HMG20A: variants seen among roughly 807,000 people sequenced by gnomAD.
The protein encoded by HMG20A is high mobility group protein 20A.
Under a neutral mutation model 43.9 loss-of-function variants are expected in HMG20A, and 17 were observed. The ratio of observed to expected loss-of-function variants is 0.39; its 90% CI spans 0.27 to 0.58. The LOEUF (loss-of-function observed/expected upper bound fraction) is 0.58, where lower values mean the gene tolerates loss of function less well. Among genes scored for constraint, HMG20A ranks in the 20% least tolerant of loss-of-function variants. The pLI, the probability that HMG20A is intolerant of heterozygous loss-of-function variation, is 0.59. For missense variants in HMG20A, 341 were observed against 438.2 expected (o/e 0.78, Z 1.98); for synonymous variants, 132 against 147.5 (o/e 0.89, Z 0.76).
intron 1 of HMG20A, among the ~76,000 whole-genome samples, chr15:77,425,011 A>AT (rs1330147993): frequency 6.6e-6 from 1 of 151,826 alleles, no homozygotes. Context: ...TGCTCATGCT[A>AT]TTTTCTGCCT....
At chr15:77,430,891 G>A (rs1417782096) in intron 1 of HMG20A, among the ~76,000 whole-genome samples, 1 of 152,150 alleles carries the variant, frequency 6.6e-6, no homozygotes, top group Non-Finnish European at 1.5e-5. Flanking sequence ...TATGACTGGA[G>A]GAGAGAAAGT....
intron 1 of HMG20A, among the ~76,000 whole-genome samples, chr15:77,446,831 A>G (rs959802598): frequency 4.6e-5 from 7 of 151,940 alleles, no homozygotes; most frequent in Admixed American, 4.6e-4. Context: ...AAGAGTATAC[A>G]TATGTGTCTT....
At chr15:77,428,693 G>A (rs990567695) in intron 1 of HMG20A, among the ~76,000 whole-genome samples, 6 of 152,172 alleles carry the variant, frequency 3.9e-5, no homozygotes, top group African/African-American at 1.4e-4. Context: ...TCTAGGCTGG[G>A]TGTGGTGGCT....
chr15:77,466,554 G>T (rs1732900576), intron 3 of HMG20A, among the ~76,000 whole-genome samples: 1 of 152,134 alleles, frequency 6.6e-6, no homozygotes, highest in Non-Finnish European at 1.5e-5. Flanking sequence ...AAATAAGCTA[G>T]TCTTTGAAAG....
chr15:77,430,358 C>G (rs2073471901), intron 1 of HMG20A, among the ~76,000 whole-genome samples: 1 of 152,156 alleles, frequency 6.6e-6, no homozygotes, highest in African/African-American at 2.4e-5. Context: ...ACTTATGACT[C>G]TGAGAGATGA....
intron 1 of HMG20A, among the ~76,000 whole-genome samples, chr15:77,423,899 C>T (rs1285290197): frequency 2.0e-5 from 3 of 152,036 alleles, no homozygotes; most frequent in African/African-American, 7.3e-5. Context: ...GTCTCTATTT[C>T]ATAGCCTTCA....
intron 1 of HMG20A, among the ~76,000 whole-genome samples, chr15:77,443,995 G>A (rs942758349): frequency 2.6e-5 from 4 of 152,176 alleles, no homozygotes; most frequent in African/African-American, 9.6e-5. Context: ...ACAAGTGTGA[G>A]CCAACATGCC....
At chr15:77,488,068 A>T (rs1390897831), downstream of HMG20A, among the ~76,000 whole-genome samples, 1 of 152,232 alleles carries the variant, frequency 6.6e-6, no homozygotes, top group Non-Finnish European at 1.5e-5. Context: ...ACAAGAAGAT[A>T]AGAATGGCAT....
the HMG20A span, among the ~76,000 whole-genome samples, chr15:77,491,171 TAA>T: frequency 6.6e-6 from 1 of 152,328 alleles, no homozygotes; most frequent in Non-Finnish European, 1.5e-5. Context: ...AGCGTCTGCT[TAA>T]AAGAGACTGG....
At chr15:77,472,424 G>A (rs894648665) in intron 6 of HMG20A, among the ~76,000 whole-genome samples, 1 of 152,142 alleles carries the variant, frequency 6.6e-6, no homozygotes, top group Admixed American at 6.5e-5. Flanking sequence ...ACAGGCTCGT[G>A]CCATCATACC....
the HMG20A span, among the ~76,000 whole-genome samples, chr15:77,518,922 T>C: frequency 6.6e-6 from 1 of 152,202 alleles, no homozygotes; most frequent in Non-Finnish European, 1.5e-5. Flanking sequence ...CAAAGATGGT[T>C]TGTCTATTTC....
chr15:77,449,122 G>C (rs919693300), intron 1 of HMG20A, among the ~76,000 whole-genome samples: 7 of 151,960 alleles, frequency 4.6e-5, no homozygotes, highest in African/African-American at 7.3e-5. Flanking sequence ...TTTAGGTCTA[G>C]AGAGCCATAT....
chr15:77,438,083 A>G (rs1011603899), intron 1 of HMG20A, among the ~76,000 whole-genome samples: 4 of 151,676 alleles, frequency 2.6e-5, no homozygotes, highest in African/African-American at 9.7e-5. Context: ...CAGCCTCCCA[A>G]GTAGCTTGGA....
In HMG20A at chr15:77,440,016, A is replaced by G. The variant is rs950802038; in HGVS notation, c.-4-18388A>G. On this transcript the variant is annotated intron_variant, in intron 1 of 9. Transcript: ENST00000336216. Reference sequence around the variant, plus strand: ...TGCTTTGTATTTAGCCCCCTTTTTTAAAAAAATGGGTCATTTATTTTTAAT... The same window carrying G: ...TGCTTTGTATTTAGCCCCCTTTTTTGAAAAAATGGGTCATTTATTTTTAAT... 2.6e-5 allele frequency among the ~76,000 whole-genome samples: 4 copies of G among 152,016 alleles called. No homozygotes were observed. The South Asian group carries it at 8.3e-4, about 32-fold the overall frequency.
intron 4 of HMG20A, among the ~76,000 whole-genome samples, chr15:77,468,597 TCACACACA>T (rs141417839): frequency 2.0e-5 from 3 of 147,814 alleles, no homozygotes; most frequent in East Asian, 2.0e-4. Context: ...TCTCTCTCTG[TCACACACA>T]CACACACACA....
intron 1 of HMG20A, among the ~76,000 whole-genome samples, chr15:77,448,335 C>A (rs1483257751): frequency 6.6e-6 from 1 of 152,204 alleles, no homozygotes; most frequent in Non-Finnish European, 1.5e-5. Flanking sequence ...CTAGTTCAGT[C>A]CAGCCACATT....
At chr15:77,500,846 G>A in the HMG20A span, among the ~76,000 whole-genome samples, 1 of 152,092 alleles carries the variant, frequency 6.6e-6, no homozygotes, top group Non-Finnish European at 1.5e-5. Flanking sequence ...TGGGATTACA[G>A]GCATGAGCCA....
intron 2 of HMG20A, among the ~76,000 whole-genome samples, chr15:77,462,772 CTTTTTTT>C (rs71145836): frequency 4.7e-5 from 6 of 127,788 alleles, no homozygotes; most frequent in African/African-American, 8.9e-5. Flanking sequence ...TTTTCTTTTT[CTTTTTTT>C]TTTTTTTTTT....
chr15:77,516,368 C>T, the HMG20A span, among the ~76,000 whole-genome samples: 1 of 152,104 alleles, frequency 6.6e-6, no homozygotes, highest in African/African-American at 2.4e-5. Context: ...CCTGGCTACT[C>T]GGGAGACTGA....
Sources: gnomAD v4.1 joint callset for allele counts (sites outside exome capture counted in the v4.1 genomes callset) on GRCh38, gnomAD v4.1.1 for gene constraint, MANE v1.5 for transcripts, NCBI Gene and HGNC (gene_info 2026-07-23, HGNC 2026-07-21) for gene names.